Variants in PI4KA observed in about 807,000 individuals in gnomAD.
PI4KA encodes phosphatidylinositol 4-kinase alpha, also known as PI4-kinase alpha.
A neutral mutation model predicts 271.4 loss-of-function variants in PI4KA; 122 were observed. The ratio of observed to expected loss-of-function variants is 0.45; its 90% CI spans 0.39 to 0.52. The LOEUF is 0.52. PI4KA is among the 20% of genes least tolerant of loss of function. The probability of loss-of-function intolerance (pLI) is 0.00; values close to 1 mark genes in which losing one functional copy is unlikely to be tolerated. For synonymous variants in PI4KA, 1,041 were observed against 1,078.8 expected (o/e 0.96, Z 0.69); for missense variants, 1,969 against 2,769.1 (o/e 0.71, Z 6.48).
chr22:20,785,923 T>C (rs2147515483), intron 19 of PI4KA: 5 of 1,569,996 alleles, frequency 3.2e-6, no homozygotes, highest in Non-Finnish European at 4.4e-6. Context: ...ATATAACCCG[T>C]GGCCCTTTAA....
Position 20,727,308 on chromosome 22 carries a change from G to A in PI4KA, c.4863C>T (p.Leu1621=). 6.2e-7 allele frequency: 1 copy of A among 1,613,380 alleles called. No homozygotes were observed. Among genetic ancestry groups the A allele is most frequent in the Non-Finnish European group, 8.5e-7 (1 of 1,179,974 alleles). The change falls in exon 41 of 55, where the codon CTC becomes CTT. Residue 1621 remains leucine, a synonymous_variant. Coordinates refer to ENST00000255882, the MANE Select transcript of PI4KA (RefSeq NM_058004.4). Reference sequence around the variant, plus strand: ...GCGGGTACATGCTGGAGAAGTAGGAGAGGCCTGTGGGTGGGTCCGTGGGCG... The same window carrying A: ...GCGGGTACATGCTGGAGAAGTAGGAAAGGCCTGTGGGTGGGTCCGTGGGCG... The part of the protein sequence containing the change: ...CWAPTDPPTG[L]SYFSSMYPPH...
At chr22:20,716,663 C>A (rs1460191746) in intron 45 of PI4KA, among the ~76,000 whole-genome samples, 1 of 152,134 alleles carries the variant, frequency 6.6e-6, no homozygotes, top group African/African-American at 2.4e-5. Context: ...TCAGCCAACA[C>A]AATCTAGAGC....
intron 10 of PI4KA, among the ~76,000 whole-genome samples, chr22:20,806,255 T>C (rs1349527706): frequency 3.3e-5 from 5 of 152,142 alleles, no homozygotes; most frequent in South Asian, 2.1e-4. Context: ...GGGGAGAGCA[T>C]AGGAAAAACA....
rs369541915 is a variant in PI4KA, at chr22:20,808,081, G to A, written c.1072-623C>T. ...CAAGGAGGGTGGATCACCTGAGGTCGGGAGTTTGAGACCAGCCTGACCAAC... is the reference window on the plus strand; with the variant it reads ...CAAGGAGGGTGGATCACCTGAGGTCAGGAGTTTGAGACCAGCCTGACCAAC... On this transcript the variant is annotated intron_variant, in intron 9 of 54. Transcript: ENST00000255882. Among the ~76,000 whole-genome samples the A allele has an allele frequency of 2.2e-3, 333 of 149,698 alleles. 1 individual carries two copies. Among genetic ancestry groups the A allele is most frequent in the African/African-American group, 8.4e-3 (329 of 39,376 alleles).
intron 19 of PI4KA, among the ~76,000 whole-genome samples, chr22:20,790,467 C>G (rs1187511061): frequency 6.6e-6 from 1 of 151,916 alleles, no homozygotes; most frequent in Admixed American, 6.6e-5. Context: ...TTGAGACCAG[C>G]CTGGTGAACA....
chr22:20,784,797 T>A (rs1334514749), intron 19 of PI4KA, among the ~76,000 whole-genome samples: 7 of 152,172 alleles, frequency 4.6e-5, no homozygotes, highest in African/African-American at 1.7e-4. Context: ...TATTATTGGG[T>A]CATGGCAGAA....
chr22:20,774,481 G>A lies in PI4KA; in HGVS notation c.2329-8788C>T, dbSNP rs533197515. Among the ~76,000 whole-genome samples the A allele has an allele frequency of 3.3e-5, 5 of 152,334 alleles. No individual in the cohort carries two copies. In the South Asian group the frequency reaches 8.3e-4, roughly 25 times the overall value. ...AAGTATTAGTATTAAAGGTTAGAGG[G>A]GCCGGGTGCAGTGGCTCACGCCTGT... On this transcript the variant is annotated intron_variant, in intron 19 of 54. Transcript: ENST00000255882.
chr22:20,806,506 C>T (rs1441163540), intron 10 of PI4KA, among the ~76,000 whole-genome samples: 3 of 151,854 alleles, frequency 2.0e-5, no homozygotes, highest in Non-Finnish European at 4.4e-5. Flanking sequence ...CCCATCTCTA[C>T]TAAAAATACA....
At chr22:20,787,934 C>G (rs1036168186) in intron 19 of PI4KA, among the ~76,000 whole-genome samples, 1 of 152,192 alleles carries the variant, frequency 6.6e-6, no homozygotes, top group Admixed American at 6.5e-5. Context: ...AAGTGGCACA[C>G]AAGCCCCAGG....
intron 32 of PI4KA, among the ~76,000 whole-genome samples, chr22:20,740,414 T>TA (rs957449338): frequency 9.0e-5 from 12 of 132,684 alleles, no homozygotes; most frequent in South Asian, 2.3e-4. Context: ...GAGAATGAAG[T>TA]AAAAAAAAAT....
chr22:20,731,718 A>AGT (rs1324419578), intron 36 of PI4KA, among the ~76,000 whole-genome samples: 1 of 152,184 alleles, frequency 6.6e-6, no homozygotes, highest in African/African-American at 2.4e-5. Context: ...TCACGAGGTC[A>AGT]GGAAATCGAG....
intron 17 of PI4KA, among the ~76,000 whole-genome samples, chr22:20,796,995 T>C (rs1299718661): frequency 6.6e-6 from 1 of 152,332 alleles, no homozygotes; most frequent in Non-Finnish European, 1.5e-5. Context: ...GGTAAGTCTC[T>C]TTAAGTCTTT....
chr22:20,771,924 A>G lies in PI4KA; in HGVS notation c.2329-6231T>C, dbSNP rs140461755. Among the ~76,000 whole-genome samples the G allele has an allele frequency of 8.9e-3, 1,348 of 152,226 alleles. 19 individuals are homozygous for G. Among genetic ancestry groups the G allele is most frequent in the African/African-American group, 0.031 (1,288 of 41,546 alleles). ...TAACAAAAGTAATACATACACATAG[A>G]AAAAGGTCAAACAAAGAAGTACATA... is the stretch of plus-strand genomic sequence containing the variant. On this transcript the variant is annotated intron_variant, in intron 19 of 54. Coordinates refer to ENST00000255882, the MANE Select transcript of PI4KA (RefSeq NM_058004.4).
intron 23 of PI4KA, among the ~76,000 whole-genome samples, chr22:20,754,880 A>G (rs111712701): frequency 6.6e-6 from 1 of 152,124 alleles, no homozygotes; most frequent in Non-Finnish European, 1.5e-5. Context: ...CCCAGGAGAC[A>G]GAGGTTGCAG....
At chr22:20,814,468 G>A (rs5760772) in intron 7 of PI4KA, among the ~76,000 whole-genome samples, 10,565 of 152,158 alleles carry the variant, frequency 0.069, 352 homozygotes, top group East Asian at 0.079. Context: ...AAATAATTAA[G>A]GCCAAGCATG....
At chr22:20,787,148 G>A (rs1279177612) in intron 19 of PI4KA, 2 of 1,272,102 alleles carry the variant, frequency 1.6e-6, no homozygotes, top group Non-Finnish European at 2.3e-6. Flanking sequence ...GAGATGTTCT[G>A]GCATCATTTA....
In PI4KA at chr22:20,799,173, G is replaced by A; in HGVS notation, c.1924C>T (p.Gln642Ter). 1.9e-6 allele frequency: 3 copies of A among 1,609,912 alleles called. No individual in the cohort carries two copies. The highest frequency in any genetic ancestry group is 2.5e-6 in the Non-Finnish European group (3 of 1,177,980). ...KVMEPILQIL[Q>*]QKFCQPPSPL... ...GAGGGTGGCTGGCAGAATTTCTGCT[G>A]TAGGATCTGCAGAATGGGCTCCATG... Residue 642 changes from glutamine (Q) to a stop codon, truncating the protein, a stop_gained, in exon 16 of 55, where the codon CAG (glutamine) becomes TAG (stop). Transcript: ENST00000255882. LOFTEE classifies it high-confidence loss of function.
At chr22:20,770,548 C>T (rs960037468) in intron 19 of PI4KA, among the ~76,000 whole-genome samples, 45 of 125,590 alleles carry the variant, frequency 3.6e-4, no homozygotes, top group Middle Eastern at 4.7e-3. Flanking sequence ...AGAGAGAGAT[C>T]GGTTTTGCTA....
In PI4KA at chr22:20,708,086, G is replaced by A. The variant is rs756098450; in HGVS notation, c.6270C>T (p.Tyr2090=). Residue 2090 remains tyrosine, a synonymous_variant, in exon 55 of 55, where the codon TAC becomes TAT. Transcript: ENST00000255882. ...CATTCTGATAGTACTGGATCATGTC[G>A]TAGGTCCGGCTCCTGAAAGGCCAAG... The part of the protein sequence containing the change: ...SCFLSNRSRT[Y]DMIQYYQNDI... The A allele has an allele frequency of 6.2e-6, 10 of 1,613,390 alleles. No individual in the cohort carries two copies. Among genetic ancestry groups the A allele is most frequent in the African/African-American group, 5.3e-5 (4 of 74,906 alleles).
Sources: allele counts gnomAD v4.1 joint callset (sites outside exome capture counted in the v4.1 genomes callset), GRCh38; gene constraint gnomAD v4.1.1; transcripts MANE v1.5; gene names NCBI Gene and HGNC (gene_info 2026-07-23, HGNC 2026-07-21).